The following CDKL2 variants were observed in gnomAD, a reference collection of about 807,000 sequenced individuals.
CDKL2 encodes the protein cyclin dependent kinase like 2.
Under a neutral mutation model 63.9 loss-of-function variants are expected in CDKL2, and 64 were observed. The observed-to-expected ratio is 1.00, with a 90% confidence interval of 0.82 to 1.23. The LOEUF (loss-of-function observed/expected upper bound fraction) is 1.23. Ranked by LOEUF, CDKL2 falls within the 50% of genes most tolerant of loss-of-function variation. The pLI, the probability that CDKL2 is intolerant of heterozygous loss-of-function variation, is 0.00. For missense variants in CDKL2, 656 were observed against 668.0 expected (o/e 0.98, Z 0.20); for synonymous variants, 211 against 229.2 (o/e 0.92, Z 0.72).
At chr4:75,607,662 G>T (rs1243251390) in intron 3 of CDKL2, among the ~76,000 whole-genome samples, 1 of 152,158 alleles carries the variant, frequency 6.6e-6, no homozygotes, top group Non-Finnish European at 1.5e-5. Flanking sequence ...AGCTGAGGCA[G>T]TCAGGGGAAA....
In CDKL2 at chr4:75,609,089, T is replaced by A. The variant is rs965713522; in HGVS notation, c.364-1728A>T. On this transcript the variant is annotated intron_variant, in intron 3 of 13. Transcript: ENST00000307465. ...GTTTGAACCTGAGAATTTAAAAGAA[T>A]GGTGGTTTCATTTTCAAAATTAGAA... 2.0e-5 allele frequency among the ~76,000 whole-genome samples: 3 copies of A among 152,028 alleles called. 1 individual carries two copies. The highest frequency in any genetic ancestry group is 4.4e-5 in the Non-Finnish European group (3 of 68,024).
At chr4:75,592,005 C>T (rs1728736337) in intron 11 of CDKL2, 80 bp from the exon 12 acceptor site, 12 of 1,312,412 alleles carry the variant, frequency 9.1e-6, no homozygotes, top group Non-Finnish European at 1.0e-5. Flanking sequence ...TCTACGTGTT[C>T]CTCAGTATGT....
chr4:75,621,211 A>G (rs1042125598), intron 2 of CDKL2, among the ~76,000 whole-genome samples: 118 of 151,480 alleles, frequency 7.8e-4, no homozygotes, highest in Non-Finnish European at 2.4e-4. Context: ...GCTGAGATTA[A>G]CAGACATGAG....
intron 3 of CDKL2, among the ~76,000 whole-genome samples, chr4:75,612,083 G>C (rs1729726881): frequency 6.6e-6 from 1 of 152,008 alleles, no homozygotes; most frequent in East Asian, 1.9e-4. Flanking sequence ...CAATTCTCTT[G>C]CCTCAGCCTC....
chr4:75,607,396 A>G (rs1208264233), intron 3 of CDKL2, 35 bp from the exon 4 acceptor site: 1 of 1,556,476 alleles, frequency 6.4e-7, no homozygotes, highest in Admixed American at 1.8e-5. Flanking sequence ...GATGTTAAAT[A>G]AAATTAATTA....
At chr4:75,628,515 T>A (rs1393734847) in intron 1 of CDKL2, among the ~76,000 whole-genome samples, 1 of 152,214 alleles carries the variant, frequency 6.6e-6, no homozygotes, top group Non-Finnish European at 1.5e-5. Context: ...CCAGCAATCA[T>A]TGGACAAAAT....
At chr4:75,584,907 A>T (rs959174949) in intron 12 of CDKL2, among the ~76,000 whole-genome samples, 1 of 152,234 alleles carries the variant, frequency 6.6e-6, no homozygotes, top group African/African-American at 2.4e-5. Context: ...AAGTGCAGAA[A>T]GCAAAACTAT....
In CDKL2 at chr4:75,614,449, G is replaced by A; in HGVS notation, c.169C>T (p.Gln57Ter). 6.5e-7 allele frequency: 1 copy of A among 1,532,214 alleles called. No individual in the cohort carries two copies. Among genetic ancestry groups the A allele is most frequent in the Non-Finnish European group, 8.8e-7 (1 of 1,135,912 alleles). The allele number at this position is 1,532,214 out of a possible 1,614,324, so 94.9% of individuals were successfully genotyped here. ...IAMREIKLLKQLRHENLVNLL... is the reference protein window; with the variant it reads ...IAMREIKLLK ...TTCACCAAGTTTTCATGCCTAAGTT[G>A]CTGTTATTAAAAAATGCAAAATAGC... is the stretch of plus-strand genomic sequence containing the variant. Residue 57 changes from glutamine to a stop codon, truncating the protein, a stop_gained and splice_region_variant, in exon 3 of 14, where the codon CAA (glutamine) becomes TAA (stop). Transcript: ENST00000307465. LOFTEE classifies it high-confidence loss of function.
intron 6 of CDKL2, among the ~76,000 whole-genome samples, chr4:75,603,399 C>T (rs1004426917): frequency 1.7e-4 from 26 of 151,466 alleles, no homozygotes; most frequent in Non-Finnish European, 2.8e-4. Context: ...TCTAAATGTA[C>T]AAAAATTAAA....
At chr4:75,622,578 T>C (rs899146127) in intron 2 of CDKL2, among the ~76,000 whole-genome samples, 2 of 150,888 alleles carry the variant, frequency 1.3e-5, no homozygotes, top group African/African-American at 4.9e-5. Context: ...ATTAGCCAGG[T>C]GTGGTGGCGG....
intron 6 of CDKL2, among the ~76,000 whole-genome samples, chr4:75,600,680 G>A (rs1325049788): frequency 3.9e-5 from 6 of 151,982 alleles, no homozygotes; most frequent in African/African-American, 1.2e-4. Context: ...GGCTGGTCTC[G>A]AACTCTGAGC....
intron 3 of CDKL2, among the ~76,000 whole-genome samples, chr4:75,607,821 A>AT (rs963564367): frequency 2.8e-4 from 42 of 151,478 alleles, no homozygotes; most frequent in African/African-American, 9.7e-4. Flanking sequence ...GGAAAAAAAA[A>AT]TTTTTTTTTG....
At chr4:75,625,250 C>T (rs1405227196) in intron 2 of CDKL2, among the ~76,000 whole-genome samples, 2 of 151,854 alleles carry the variant, frequency 1.3e-5, no homozygotes, top group African/African-American at 4.8e-5. Context: ...ATGGTGTATA[C>T]TCAGAACATA....
At chr4:75,611,458 CAAAAAAAAAAAAA>C (rs71203834) in intron 3 of CDKL2, among the ~76,000 whole-genome samples, 6 of 76,734 alleles carry the variant, frequency 7.8e-5, no homozygotes, top group African/African-American at 2.9e-4. Flanking sequence ...GATTCTGTCT[CAAAAAAAAAAAAA>C]AAAAAAAAAG....
intron 10 of CDKL2, among the ~76,000 whole-genome samples, chr4:75,595,209 T>TC (rs1728862811): frequency 6.6e-6 from 1 of 150,700 alleles, no homozygotes; most frequent in Admixed American, 6.6e-5. Context: ...TCTTCTTTTT[T>TC]TTTTTTTTTT....
chr4:75,603,528 A>T (rs1352669196), intron 6 of CDKL2, among the ~76,000 whole-genome samples: 4 of 150,652 alleles, frequency 2.7e-5, no homozygotes, highest in African/African-American at 9.7e-5. Context: ...CAGGAGATTG[A>T]GACCATCCTG....
intron 2 of CDKL2, among the ~76,000 whole-genome samples, chr4:75,617,616 T>G (rs757081394): frequency 2.0e-5 from 3 of 152,234 alleles, no homozygotes; most frequent in African/African-American, 4.8e-5. Flanking sequence ...TTAAGAAATC[T>G]AAATAATACT....
At chr4:75,626,039 T>A in intron 1 of CDKL2, 22 bp from the exon 2 acceptor site, 1 of 1,464,538 alleles carries the variant, frequency 6.8e-7, no homozygotes. Flanking sequence ...AAAACATAGA[T>A]TTAACAAAGT....
intron 10 of CDKL2, 88 bp downstream of exon 10, chr4:75,596,159 C>A (rs545115207): frequency 7.7e-6 from 6 of 776,386 alleles, no homozygotes; most frequent in Middle Eastern, 2.6e-4. Context: ...AAACAAAATT[C>A]TCAATACTTC....
Sources: allele counts gnomAD v4.1 joint callset (sites outside exome capture counted in the v4.1 genomes callset), GRCh38; gene constraint gnomAD v4.1.1; transcripts MANE v1.5; gene names NCBI Gene and HGNC (gene_info 2026-07-23, HGNC 2026-07-21).